Variants in THRB observed in about 807,000 individuals in gnomAD.
THRB encodes thyroid hormone receptor beta, also known as nuclear receptor subfamily 1 group A member 2.
A neutral mutation model predicts 47.8 loss-of-function variants in THRB; 12 were observed. The ratio of observed to expected loss-of-function variants is 0.25; its 90% CI spans 0.16 to 0.41. The LOEUF (loss-of-function observed/expected upper bound fraction) is 0.41. Ranked by LOEUF, THRB falls within the 10% of genes least tolerant of loss-of-function variation. The probability of loss-of-function intolerance (pLI) is 1.00; values close to 1 mark genes in which losing one functional copy is unlikely to be tolerated. For synonymous variants in THRB, 218 were observed against 212.2 expected, an observed-to-expected ratio of 1.03 and a Z score of -0.24; for missense variants, 348 against 589.2, an observed-to-expected ratio of 0.59 and a Z score of 4.24.
intron 3 of THRB, among the ~76,000 whole-genome samples, chr3:24,271,719 A>G (rs2053350316): frequency 6.6e-6 from 1 of 152,160 alleles, no homozygotes; most frequent in Admixed American, 6.5e-5. Context: ...AATCAAGTAT[A>G]TACTGTATGT....
chr3:24,198,250 A>G (rs977190217), intron 4 of THRB, among the ~76,000 whole-genome samples: 2 of 152,194 alleles, frequency 1.3e-5, no homozygotes, highest in African/African-American at 4.8e-5. Context: ...AAATAGTGAA[A>G]AGTTAAATTG....
At chr3:24,440,041 C>A (rs912378794) in intron 1 of THRB, among the ~76,000 whole-genome samples, 1 of 152,192 alleles carries the variant, frequency 6.6e-6, no homozygotes, top group Admixed American at 6.5e-5. Context: ...ATAAACTCTA[C>A]TATATGATCC....
chr3:24,371,763 C>T (rs950219758), intron 1 of THRB, among the ~76,000 whole-genome samples: 3 of 152,086 alleles, frequency 2.0e-5, no homozygotes, highest in Admixed American at 6.6e-5. Context: ...ATTCAGTGGT[C>T]CCAACCCTTG....
chr3:24,252,733 A>G (rs796120827), intron 3 of THRB, among the ~76,000 whole-genome samples: 9 of 152,260 alleles, frequency 5.9e-5, no homozygotes, highest in African/African-American at 1.9e-4. Context: ...ATGTAAAAAA[A>G]GAATAAGAGA....
chr3:24,270,977 C>T (rs780214319), intron 3 of THRB, among the ~76,000 whole-genome samples: 2 of 152,160 alleles, frequency 1.3e-5, no homozygotes, highest in Non-Finnish European at 2.9e-5. Context: ...TTCCAAAATA[C>T]CTTCTCCCTT....
chr3:24,208,649 T>G (rs1378453834), intron 4 of THRB, among the ~76,000 whole-genome samples: 4 of 152,154 alleles, frequency 2.6e-5, no homozygotes, highest in Non-Finnish European at 5.9e-5. Flanking sequence ...TAGCCATATG[T>G]AGAAAGCTGA....
In THRB at chr3:24,269,323, G is replaced by A. The variant is rs1389531900; in HGVS notation, c.-43+27903C>T. On this transcript the variant is annotated intron_variant, in intron 3 of 10. Coordinates refer to ENST00000646209, the MANE Select transcript of THRB (RefSeq NM_001354712.2). ...CACACACACACACACACACACACAC[G>A]TTATCTTTGCTCTGTTGTCCAGGCT... is the stretch of plus-strand genomic sequence containing the variant. 7.6e-5 allele frequency among the ~76,000 whole-genome samples: 7 copies of A among 92,014 alleles called. 1 individual carries two copies. In the South Asian group the frequency reaches 2.3e-3, roughly 31 times the overall value. The allele number at this position is 92,014 out of a possible 152,430, so 60.4% of individuals were successfully genotyped here.
chr3:24,414,413 C>A (rs2068575799), intron 1 of THRB, among the ~76,000 whole-genome samples: 1 of 151,746 alleles, frequency 6.6e-6, no homozygotes, highest in Non-Finnish European at 1.5e-5. Context: ...GTTAAATAAA[C>A]AGAACATATC....
intron 1 of THRB, among the ~76,000 whole-genome samples, chr3:24,423,007 A>G (rs1228048612): frequency 6.6e-6 from 1 of 151,848 alleles, no homozygotes; most frequent in African/African-American, 2.4e-5. Flanking sequence ...TTCTGTGTAA[A>G]GGGCTGACTA....
rs376505085 is a variant in THRB, at chr3:24,417,217, G to C, written c.-261+77435C>G. On this transcript the variant is annotated intron_variant, in intron 1 of 10. Transcript: ENST00000646209. ...GCACATTTTCTACAGCTGTTTAAGA[G>C]TGAATTCATTAAATACATATAATTG... 2.0e-5 allele frequency among the ~76,000 whole-genome samples: 3 copies of C among 151,858 alleles called. No individual in the cohort carries two copies. In the East Asian group the frequency reaches 5.9e-4, roughly 30 times the overall value.
intron 1 of THRB, among the ~76,000 whole-genome samples, chr3:24,464,701 G>C (rs2073991009): frequency 6.6e-6 from 1 of 151,856 alleles, no homozygotes; most frequent in Non-Finnish European, 1.5e-5. Context: ...TTTTGTATTT[G>C]TTTCTTTCCT....
At chr3:24,219,041 C>T (rs1027932600) in intron 4 of THRB, among the ~76,000 whole-genome samples, 7 of 152,036 alleles carry the variant, frequency 4.6e-5, no homozygotes, top group East Asian at 1.9e-4. Flanking sequence ...CCGAGGTGGG[C>T]GGATTGCTTG....
intron 2 of THRB, among the ~76,000 whole-genome samples, chr3:24,317,859 A>G (rs571634376): frequency 9.9e-5 from 15 of 152,246 alleles, no homozygotes; most frequent in African/African-American, 3.6e-4. Context: ...GAGTTCAAGA[A>G]TAGCCTGGGA....
At chr3:24,376,461 A>G (rs1256198947) in intron 1 of THRB, among the ~76,000 whole-genome samples, 2 of 152,166 alleles carry the variant, frequency 1.3e-5, no homozygotes, top group Non-Finnish European at 2.9e-5. Context: ...CTCTAGAAAC[A>G]TGTATAGGGG....
intron 4 of THRB, among the ~76,000 whole-genome samples, chr3:24,213,372 C>A (rs537135432): frequency 6.6e-6 from 1 of 152,320 alleles, no homozygotes; most frequent in Admixed American, 6.5e-5. Context: ...AAGTTGGAAT[C>A]TTACCCAGGA....
At chr3:24,458,432 T>C (rs1427108786) in intron 1 of THRB, 1 of 152,190 alleles carries the variant, frequency 6.6e-6, no homozygotes, top group Admixed American at 6.5e-5. Flanking sequence ...TAATTGCCTT[T>C]GAAGATTTAA....
intron 3 of THRB, among the ~76,000 whole-genome samples, chr3:24,280,031 A>G (rs1023928728): frequency 6.6e-6 from 1 of 152,226 alleles, no homozygotes; most frequent in South Asian, 2.1e-4. Flanking sequence ...AAAAATGGTT[A>G]CAAACACTTG....
intron 1 of THRB, among the ~76,000 whole-genome samples, chr3:24,487,150 G>T (rs1177191582): frequency 1.4e-5 from 2 of 147,286 alleles, no homozygotes; most frequent in Non-Finnish European, 2.9e-5. Context: ...GTTGCTAGGG[G>T]TTTGTGTGTG....
Position 24,332,883 on chromosome 3 carries a change from C to T in THRB, c.-189+4417G>A, listed in dbSNP as rs147385324. 8.2e-3 allele frequency among the ~76,000 whole-genome samples: 1,245 copies of T among 152,120 alleles called. 18 individuals are homozygous for T. Among genetic ancestry groups the T allele is most frequent in the African/African-American group, 0.028 (1,176 of 41,476 alleles). Reference sequence around the variant, plus strand: ...CATCCTGGCTAACATGGTGAAACCCCATCTCTACTAAAAATACAAAAAATT... The same window carrying T: ...CATCCTGGCTAACATGGTGAAACCCTATCTCTACTAAAAATACAAAAAATT... On this transcript the variant is annotated intron_variant, in intron 2 of 10. Coordinates refer to ENST00000646209, the MANE Select transcript of THRB (RefSeq NM_001354712.2).
Sources: allele counts gnomAD v4.1 joint callset (sites outside exome capture counted in the v4.1 genomes callset), GRCh38; gene constraint gnomAD v4.1.1; transcripts MANE v1.5; gene names NCBI Gene and HGNC (gene_info 2026-07-23, HGNC 2026-07-21).